The following DTNA variants were observed in gnomAD, a reference collection of about 807,000 sequenced individuals.
DTNA encodes dystrobrevin alpha.
DTNA carries 43 observed loss-of-function variants against 100.7 expected under a neutral mutation model. The ratio of observed to expected loss-of-function variants is 0.43; its 90% CI spans 0.33 to 0.55. The LOEUF is 0.55. DTNA is among the 20% of genes least tolerant of loss of function. DTNA has a pLI of 0.04. For missense variants in DTNA, 798 were observed against 953.9 expected, an observed-to-expected ratio of 0.84 and a Z score of 2.15; for synonymous variants, 349 against 347.9, an observed-to-expected ratio of 1.00 and a Z score of -0.04.
chr18:34,787,982 G>C (rs796305203), intron 3 of DTNA, among the ~76,000 whole-genome samples: 3 of 152,224 alleles, frequency 2.0e-5, no homozygotes, highest in African/African-American at 7.2e-5. Context: ...AAGGAATTTC[G>C]TTATGCAAAC....
chr18:34,493,922 G>A (rs180979282), intron 1 of DTNA: 134 of 148,160 alleles, frequency 9.0e-4, no homozygotes, highest in African/African-American at 3.2e-3. Context: ...CCAGGACTGC[G>A]GCGCGGCGCC....
At chr18:34,556,254 G>A (rs373830438) in intron 1 of DTNA, among the ~76,000 whole-genome samples, 210 of 151,878 alleles carry the variant, frequency 1.4e-3, no homozygotes, top group African/African-American at 4.5e-3. Flanking sequence ...TATTTTGAGC[G>A]TATGTGTGTC....
At chr18:34,776,222 A>G (rs1199149973) in intron 3 of DTNA, among the ~76,000 whole-genome samples, 1 of 152,210 alleles carries the variant, frequency 6.6e-6, no homozygotes, top group African/African-American at 2.4e-5. Context: ...CAGGATCTGG[A>G]CAAGGAGCAG....
chr18:34,595,422 A>G (rs1356804642), intron 1 of DTNA, among the ~76,000 whole-genome samples: 2 of 152,174 alleles, frequency 1.3e-5, no homozygotes, highest in African/African-American at 4.8e-5. Flanking sequence ...GTAAAATTCT[A>G]AAATGAAGAA....
At chr18:34,838,193 C>A in intron 12 of DTNA, 22 bp downstream of exon 12, 1 of 1,612,328 alleles carries the variant, frequency 6.2e-7, no homozygotes, top group Non-Finnish European at 8.5e-7. Flanking sequence ...CCAGAGTGTA[C>A]TGGAACCCTG....
intron 1 of DTNA, among the ~76,000 whole-genome samples, chr18:34,639,229 T>C (rs972113138): frequency 1.3e-5 from 2 of 152,202 alleles, no homozygotes; most frequent in African/African-American, 4.8e-5. Flanking sequence ...TCATCCTTTG[T>C]TGTGGGCAGC....
chr18:34,715,663 T>C (rs1371891601), intron 1 of DTNA, among the ~76,000 whole-genome samples: 6 of 151,970 alleles, frequency 3.9e-5, no homozygotes, highest in Admixed American at 3.9e-4. Flanking sequence ...AAAGAAAATA[T>C]AGAACTTATG....
At chr18:34,573,618 T>C (rs558378008) in intron 1 of DTNA, among the ~76,000 whole-genome samples, 2 of 152,350 alleles carry the variant, frequency 1.3e-5, no homozygotes, top group South Asian at 4.1e-4. Context: ...ATGTACAACA[T>C]GATGCGTTGC....
chr18:34,842,824 A>G (rs1026997371), intron 13 of DTNA, among the ~76,000 whole-genome samples: 11 of 151,900 alleles, frequency 7.2e-5, no homozygotes, highest in African/African-American at 2.2e-4. Context: ...AGCTGCAGTC[A>G]TTGTTTGGTT....
intron 1 of DTNA, among the ~76,000 whole-genome samples, chr18:34,670,651 T>A (rs2076613400): frequency 6.6e-6 from 1 of 152,230 alleles, no homozygotes; most frequent in Admixed American, 6.5e-5. Flanking sequence ...GTCAGGACCC[T>A]CAGCTGCAGG....
intron 3 of DTNA, among the ~76,000 whole-genome samples, chr18:34,786,580 G>A (rs573737384): frequency 1.3e-5 from 2 of 152,196 alleles, no homozygotes; most frequent in Admixed American, 6.5e-5. Context: ...CTTTAAGCAC[G>A]GAGGGCAGGG....
chr18:34,864,256 T>TTC (rs1270330188), intron 17 of DTNA, among the ~76,000 whole-genome samples, 194 bp downstream of exon 17: 1 of 149,510 alleles, frequency 6.7e-6, no homozygotes, highest in African/African-American at 2.5e-5. Context: ...TTCTTTTTTT[T>TTC]TTTTTTTTTT....
chr18:34,588,863 C>T (rs1370917716), intron 1 of DTNA, among the ~76,000 whole-genome samples: 1 of 152,056 alleles, frequency 6.6e-6, no homozygotes, highest in East Asian at 1.9e-4. Flanking sequence ...TGCACATACA[C>T]ATGCAAGCTG....
chr18:34,588,857 C>T (rs551916995), intron 1 of DTNA, among the ~76,000 whole-genome samples: 1 of 152,172 alleles, frequency 6.6e-6, no homozygotes, highest in Non-Finnish European at 1.5e-5. Flanking sequence ...TCATGGTGCA[C>T]ATACACATGC....
At chr18:34,825,160 G>C (rs778245516) in intron 9 of DTNA, 18 of 1,430,640 alleles carry the variant, frequency 1.3e-5, no homozygotes, top group Non-Finnish European at 1.8e-5. Context: ...GAAATGAGCA[G>C]GTGGTGACAT....
At chr18:34,581,169 A>G (rs917993824) in intron 1 of DTNA, among the ~76,000 whole-genome samples, 5 of 152,252 alleles carry the variant, frequency 3.3e-5, no homozygotes, top group African/African-American at 1.2e-4. Context: ...AATGGCGTGA[A>G]CCCGGGAGGT....
intron 15 of DTNA, 23 bp downstream of exon 15, chr18:34,851,951 G>C (rs781107693): frequency 3.1e-6 from 5 of 1,610,964 alleles, no homozygotes; most frequent in South Asian, 1.1e-5. Flanking sequence ...AGACGTGCTG[G>C]CTTGTTTGAT....
intron 3 of DTNA, among the ~76,000 whole-genome samples, chr18:34,773,358 T>C (rs901220747): frequency 6.6e-6 from 1 of 152,022 alleles, no homozygotes; most frequent in African/African-American, 2.4e-5. Context: ...GATGTAAAAA[T>C]AAAGTTTAAA....
At chr18:34,683,546 G>A (rs1267382010) in intron 1 of DTNA, 4 of 152,152 alleles carry the variant, frequency 2.6e-5, no homozygotes, top group Admixed American at 2.0e-4. Context: ...AGGACATGAT[G>A]TTCCTTCTAC....
Sources: gnomAD v4.1 joint callset for allele counts (sites outside exome capture counted in the v4.1 genomes callset) on GRCh38, gnomAD v4.1.1 for gene constraint, MANE v1.5 for transcripts, NCBI Gene and HGNC (gene_info 2026-07-23, HGNC 2026-07-21) for gene names.